Variants in KCNN3 observed in about 807,000 individuals in gnomAD.
The protein encoded by KCNN3 is potassium calcium-activated channel subfamily N member 3, also known as small conductance calcium-activated potassium channel protein 3.
A neutral mutation model predicts 62.9 loss-of-function variants in KCNN3; 16 were observed. That is an observed-to-expected ratio of 0.25 (90% CI 0.17 to 0.39). The LOEUF (loss-of-function observed/expected upper bound fraction) is 0.39, where lower values mean the gene tolerates loss of function less well. Ranked by LOEUF, KCNN3 falls within the 10% of genes least tolerant of loss-of-function variation. The pLI, the probability that KCNN3 is intolerant of heterozygous loss-of-function variation, is 1.00. For missense variants in KCNN3, 599 were observed against 949.4 expected (o/e 0.63, Z 4.85); for synonymous variants, 370 against 389.2 (o/e 0.95, Z 0.58).
At chr1:154,863,270 C>T (rs1445600372) in intron 1 of KCNN3, among the ~76,000 whole-genome samples, 1 of 152,196 alleles carries the variant, frequency 6.6e-6, no homozygotes, top group Non-Finnish European at 1.5e-5. Context: ...CTCCTCCGGA[C>T]TTTCCTCACC....
chr1:154,728,574 T>G (rs1435283733), intron 4 of KCNN3, among the ~76,000 whole-genome samples: 2 of 145,214 alleles, frequency 1.4e-5, no homozygotes, highest in Non-Finnish European at 3.0e-5. Flanking sequence ...CTGTGCGGGG[T>G]GCGGGGCGGG....
At chr1:154,812,775 T>C (rs983144280) in intron 2 of KCNN3, among the ~76,000 whole-genome samples, 2 of 152,180 alleles carry the variant, frequency 1.3e-5, no homozygotes, top group Non-Finnish European at 2.9e-5. Context: ...GCTGTCTTTA[T>C]TATTGTTTTC....
intron 5 of KCNN3, among the ~76,000 whole-genome samples, chr1:154,716,570 A>G (rs1700237200): frequency 6.6e-6 from 1 of 152,246 alleles, no homozygotes; most frequent in Non-Finnish European, 1.5e-5. Flanking sequence ...AGGCTGGATT[A>G]TATTTTTCAT....
intron 1 of KCNN3, among the ~76,000 whole-genome samples, chr1:154,864,306 G>A (rs1652875980): frequency 6.6e-6 from 1 of 152,258 alleles, no homozygotes; most frequent in South Asian, 2.1e-4. Flanking sequence ...AGGACACTGT[G>A]ACAGCCAACA....
chr1:154,805,368 G>A (rs1571294316), intron 2 of KCNN3, among the ~76,000 whole-genome samples: 5 of 152,272 alleles, frequency 3.3e-5, no homozygotes, highest in Admixed American at 3.3e-4. Flanking sequence ...CCTCCCCTGA[G>A]CAATTGAGCA....
chr1:154,822,015 G>C (rs1403586098), intron 2 of KCNN3, 74 bp downstream of exon 2: 2 of 1,098,242 alleles, frequency 1.8e-6, no homozygotes, highest in Non-Finnish European at 2.8e-6. Flanking sequence ...GGTTTTGGGG[G>C]TGGGGATGGG....
At chr1:154,713,094 C>T (rs182167039) in intron 7 of KCNN3, among the ~76,000 whole-genome samples, 36 of 152,240 alleles carry the variant, frequency 2.4e-4, no homozygotes, top group South Asian at 1.0e-3. Flanking sequence ...CCATGGCCAT[C>T]GTTACCGTCT....
At chr1:154,720,669 G>A (rs1288311749) in intron 5 of KCNN3, among the ~76,000 whole-genome samples, 1 of 152,220 alleles carries the variant, frequency 6.6e-6, no homozygotes, top group Non-Finnish European at 1.5e-5. Context: ...ATAGTAGGTG[G>A]GGAAACTACT....
At position 154,790,612 on chromosome 1, in the gene KCNN3, C is replaced by G. The variant is rs116528661; in HGVS notation, c.1030-18219G>C. 6.0e-3 allele frequency among the ~76,000 whole-genome samples: 914 copies of G among 152,326 alleles called. 9 individuals are homozygous for G. The highest frequency in any genetic ancestry group is 7.5e-3 in the Non-Finnish European group (508 of 68,028). ...GGCTCTCTGCCGCTGCCCAACATCA[C>G]AAGAGAATATCATGCCGCATACCAC... On this transcript the variant is annotated intron_variant, in intron 2 of 7. Transcript: ENST00000271915.
At chr1:154,813,096 G>A (rs1005076627) in intron 2 of KCNN3, among the ~76,000 whole-genome samples, 5 of 152,012 alleles carry the variant, frequency 3.3e-5, no homozygotes, top group Admixed American at 6.6e-5. Flanking sequence ...GCTTGTCCAA[G>A]CTCACAAGTG....
chr1:154,763,381 T>TA (rs1648111669), intron 3 of KCNN3, among the ~76,000 whole-genome samples: 1 of 152,184 alleles, frequency 6.6e-6, no homozygotes, highest in Admixed American at 6.5e-5. Flanking sequence ...CTGTTTTTGT[T>TA]ATTAAAAATG....
intron 1 of KCNN3, among the ~76,000 whole-genome samples, chr1:154,830,534 T>C (rs1651339193): frequency 6.6e-6 from 1 of 152,262 alleles, no homozygotes; most frequent in Admixed American, 6.5e-5. Context: ...TCACCGTCTC[T>C]GCAGACTGGG....
At position 154,715,103 on chromosome 1, in the gene KCNN3, C is replaced by A. The variant is rs1218133265; in HGVS notation, c.1702-100G>T. The stretch of plus-strand genomic sequence containing the variant: ...TCTACCTCATAAGGAAACGATTTTG[C>A]AATGATCTATTTTCTTAACCAAAAT... On this transcript the variant is annotated intron_variant, in intron 5 of 7. Coordinates refer to ENST00000271915, the MANE Select transcript of KCNN3 (RefSeq NM_002249.6). The A allele has an allele frequency of 4.2e-6, 6 of 1,421,916 alleles. No individual in the cohort carries two copies. The Admixed American group carries it at 1.0e-4, about 24-fold the overall frequency. The allele number at this position is 1,421,916 out of a possible 1,614,324, so 88.1% of individuals were successfully genotyped here. A position where few individuals can be genotyped will look rare whatever the true frequency, so the allele number is the denominator to read the frequency against.
intron 2 of KCNN3, among the ~76,000 whole-genome samples, chr1:154,786,304 T>G (rs992108244): frequency 7.9e-5 from 12 of 152,214 alleles, no homozygotes; most frequent in Non-Finnish European, 1.8e-4. Flanking sequence ...AAAAGAGTCT[T>G]TTGTAACATA....
intron 1 of KCNN3, among the ~76,000 whole-genome samples, chr1:154,847,189 G>A (rs1296768600): frequency 6.6e-6 from 1 of 151,828 alleles, no homozygotes; most frequent in African/African-American, 2.4e-5. Flanking sequence ...CTCATCTCCT[G>A]GAACCCTCCT....
chr1:154,814,837 G>C (rs986705906), intron 2 of KCNN3, among the ~76,000 whole-genome samples: 4 of 152,146 alleles, frequency 2.6e-5, no homozygotes, highest in African/African-American at 9.7e-5. Context: ...TGCACAGCTG[G>C]GCCAGGCAGG....
chr1:154,865,778 G>A (rs1021334216), intron 1 of KCNN3, among the ~76,000 whole-genome samples: 12 of 152,282 alleles, frequency 7.9e-5, no homozygotes, highest in Middle Eastern at 3.4e-3. Context: ...GGAAAAAAAA[G>A]CAGAGAACTT....
intron 7 of KCNN3, 118 bp downstream of exon 7, chr1:154,713,346 T>G: frequency 1.3e-6 from 1 of 777,520 alleles, no homozygotes; most frequent in Admixed American, 1.9e-5. Context: ...GCAGAAATTT[T>G]TCTTTGCTTG....
At chr1:154,762,924 G>T (rs933766393) in intron 3 of KCNN3, among the ~76,000 whole-genome samples, 1 of 152,008 alleles carries the variant, frequency 6.6e-6, no homozygotes, top group Non-Finnish European at 1.5e-5. Context: ...TTCCCAGTTG[G>T]TTTTCTTTCT....
Sources: gnomAD v4.1 joint callset for allele counts (sites outside exome capture counted in the v4.1 genomes callset) on GRCh38, gnomAD v4.1.1 for gene constraint, MANE v1.5 for transcripts, NCBI Gene and HGNC (gene_info 2026-07-23, HGNC 2026-07-21) for gene names.